Variants in IVD observed in about 807,000 individuals in gnomAD.
IVD encodes isovaleryl-CoA dehydrogenase.
In IVD, 31 loss-of-function variants were observed where a neutral mutation model predicts 51.3. The ratio of observed to expected loss-of-function variants is 0.60; its 90% CI spans 0.45 to 0.81. The LOEUF is 0.81. Among genes scored for constraint, IVD ranks in the 40% least tolerant of loss-of-function variants. The pLI is 0.00. For synonymous variants in IVD, 205 were observed against 219.4 expected, an observed-to-expected ratio of 0.93 and a Z score of 0.58; for missense variants, 475 against 552.0, an observed-to-expected ratio of 0.86 and a Z score of 1.40.
chr15:40,407,823 C>G (rs10518693), intron 2 of IVD, 98 bp downstream of exon 2: 1 of 1,434,524 alleles, frequency 7.0e-7, no homozygotes, highest in Non-Finnish European at 9.8e-7. Flanking sequence ...GTAAATGAAG[C>G]CTCTCTAAGA....
At chr15:40,415,207 T>A in intron 8 of IVD, 194 bp from the exon 9 acceptor site, 1 of 733,808 alleles carries the variant, frequency 1.4e-6, no homozygotes, top group South Asian at 1.7e-5. Flanking sequence ...GCAGGGTGGC[T>A]TACTCGGCTG....
chr15:40,424,860 G>A (rs904133690), downstream of IVD, among the ~76,000 whole-genome samples: 1 of 152,214 alleles, frequency 6.6e-6, no homozygotes. Context: ...TAAGTGCTCA[G>A]TGGCTATGTT....
rs1472673106 is a variant in IVD at position 40,411,307 on chromosome 15, T to G, written c.504T>G (p.Asn168Lys). The G allele has an allele frequency of 2.5e-6, 4 of 1,614,142 alleles. No homozygotes were observed. The Admixed American group carries it at 5.0e-5, about 20-fold the overall frequency. Reference sequence around the variant, plus strand: ...GAGCCCTGGCCATGAGTGAGCCCAATGCAGGCTCTGATGTTGTCTCTATGA... The same window carrying G: ...GAGCCCTGGCCATGAGTGAGCCCAAGGCAGGCTCTGATGTTGTCTCTATGA... ...YIGALAMSEP[N>K]AGSDVVSMKL... The change falls in exon 5 of 12, where the codon AAT (asparagine) becomes AAG (lysine). Residue 168 changes from asparagine to lysine, a missense_variant. Physicochemically the swap from Asn to Lys is moderately conservative, Grantham distance 94 (BLOSUM62 0). Transcript: ENST00000487418.
downstream of IVD, among the ~76,000 whole-genome samples, chr15:40,427,047 T>A (rs902149450): frequency 6.6e-6 from 1 of 152,048 alleles, no homozygotes; most frequent in Non-Finnish European, 1.5e-5. Flanking sequence ...GCTGGATAGA[T>A]AAGTGGGAAT....
rs1892151400 is a variant in IVD at position 40,420,081 on chromosome 15, C to T, written c.*1818C>T. ...TCGCGCCATTGCACTCCAGCCTGGG[C>T]AACAGAGTGAGACTCTGTCTCAAAA... is the stretch of plus-strand genomic sequence containing the variant. On this transcript the variant is annotated 3_prime_UTR_variant, in exon 12 of 12. Coordinates refer to ENST00000487418, the MANE Select transcript of IVD (RefSeq NM_002225.5). The T allele has an allele frequency of 4.2e-6, 4 of 946,538 alleles. No homozygotes were observed. The highest frequency in any genetic ancestry group is 5.0e-6 in the Non-Finnish European group (4 of 794,270). The allele number at this position is 946,538 out of a possible 1,614,324, so 58.6% of individuals were successfully genotyped here. A position where few individuals can be genotyped will look rare whatever the true frequency, so the allele number is the denominator to read the frequency against.
downstream of IVD, among the ~76,000 whole-genome samples, chr15:40,422,343 G>A (rs1246167567): frequency 6.6e-6 from 1 of 151,986 alleles, no homozygotes; most frequent in African/African-American, 2.4e-5. Flanking sequence ...GAGTGCAGTG[G>A]CGCAATCTTG....
At chr15:40,406,094 G>GT (rs2141291383) in intron 1 of IVD, 123 bp downstream of exon 1, 1 of 1,535,962 alleles carries the variant, frequency 6.5e-7, no homozygotes, top group East Asian at 2.5e-5. Flanking sequence ...CCCGTGGGCC[G>GT]TTGGGAGCGC....
At chr15:40,421,360 T>A, downstream of IVD, 1 of 985,460 alleles carries the variant, frequency 1.0e-6, no homozygotes, top group Non-Finnish European at 1.2e-6. Context: ...CTACTTTGGT[T>A]CTTGTGGGCG....
exon 8 of IVD, chr15:40,433,855 C>G: frequency 2.2e-6 from 1 of 456,744 alleles, no homozygotes; most frequent in Non-Finnish European, 4.4e-6. Flanking sequence ...CGTCTCCAGC[C>G]TGGGTCCATG....
intron 11 of IVD, among the ~76,000 whole-genome samples, chr15:40,416,768 A>G (rs1454158798): frequency 6.6e-6 from 1 of 152,140 alleles, no homozygotes; most frequent in East Asian, 1.9e-4. Context: ...CTGAGCTGGG[A>G]CCTTCGGGCT....
At chr15:40,409,574 C>T (rs182871946) in intron 3 of IVD, among the ~76,000 whole-genome samples, 2 of 152,254 alleles carry the variant, frequency 1.3e-5, no homozygotes, top group Admixed American at 1.3e-4. Context: ...TTCCTTAGAG[C>T]CTAGAACGAG....
downstream of IVD, chr15:40,424,137 C>A: frequency 7.8e-7 from 1 of 1,284,246 alleles, no homozygotes; most frequent in Non-Finnish European, 1.0e-6. Flanking sequence ...TCTTCCAGGC[C>A]ATGCCCCTCA....
chr15:40,427,895 T>G (rs953949868), downstream of IVD, among the ~76,000 whole-genome samples: 1 of 152,084 alleles, frequency 6.6e-6, no homozygotes, highest in Non-Finnish European at 1.5e-5. Flanking sequence ...TAATTAAGAC[T>G]GGACTGCCAG....
At chr15:40,429,687 T>C (rs1892863839) in intron 7 of IVD, among the ~76,000 whole-genome samples, 1 of 152,152 alleles carries the variant, frequency 6.6e-6, no homozygotes. Flanking sequence ...CAGATTTAAA[T>C]AAAACATCAA....
At chr15:40,407,861 G>A (rs1890627406) in intron 2 of IVD, 78 bp from the exon 3 acceptor site, 1 of 1,504,632 alleles carries the variant, frequency 6.6e-7, no homozygotes, top group Admixed American at 1.7e-5. Context: ...GAAGTGTTTG[G>A]GTCTCATTGT....
Position 40,419,085 on chromosome 15 carries a change from G to A in IVD, c.*822G>A, listed in dbSNP as rs373923824. ...CAGGAGGCGGACGTTGCAGTGAGCC[G>A]AGCTTGTGCCATTGCACTCCAGCCT... On this transcript the variant is annotated 3_prime_UTR_variant, in exon 12 of 12. Coordinates refer to ENST00000487418, the MANE Select transcript of IVD (RefSeq NM_002225.5). 177 of 1,160,006 alleles carry A rather than the reference G, an allele frequency of 1.5e-4. 1 individual carries two copies. In the African/African-American group the frequency reaches 1.6e-3, roughly 11 times the overall value. The allele number at this position is 1,160,006 out of a possible 1,614,324, so 71.9% of individuals were successfully genotyped here. A position where few individuals can be genotyped will look rare whatever the true frequency, so the allele number is the denominator to read the frequency against.
Position 40,418,677 on chromosome 15 carries a change from ATC to A in IVD, c.*420_*421del. The stretch of plus-strand genomic sequence containing the variant: ...TCTTGGGTGAGGCTCTGGCAAGGAG[ATC>A]TCTCTGCTCAAGCACAGCAGAATCA... On this transcript the variant is annotated 3_prime_UTR_variant, in exon 12 of 12. Transcript: ENST00000487418. 8.8e-7 allele frequency: 1 copy of A among 1,139,396 alleles called. No individual in the cohort carries two copies. The highest frequency in any genetic ancestry group is 2.0e-5 in the South Asian group (1 of 50,374). 70.6% of individuals were successfully genotyped at this position (1,139,396 alleles called of 1,614,324 possible).
At chr15:40,413,675 T>G (rs890950443) in intron 7 of IVD, among the ~76,000 whole-genome samples, 1 of 98,656 alleles carries the variant, frequency 1.0e-5, no homozygotes, top group Non-Finnish European at 2.3e-5. Flanking sequence ...TTTTTTTTTG[T>G]TTTTTTTGTT....
In IVD at chr15:40,405,844, G is replaced by T; in HGVS notation, c.17G>T (p.Arg6Leu). The change falls in exon 1 of 12, where the codon CGG (arginine) becomes CTG (leucine). Residue 6 changes from arginine to leucine, a missense_variant. Arg to Leu is a moderately radical substitution (Grantham distance 102, BLOSUM62 -2). Coordinates refer to ENST00000487418, the MANE Select transcript of IVD (RefSeq NM_002225.5). ...ATGGCAGAGATGGCGACTGCGACTC[G>T]GCTGCTGGGGTGGCGTGTGGCGAGC... The part of the protein sequence containing the change: MATAT[R>L]LLGWRVASWR... The T allele has an allele frequency of 6.2e-6, 10 of 1,612,220 alleles. No individual in the cohort carries two copies. Among genetic ancestry groups the T allele is most frequent in the Non-Finnish European group, 8.5e-6 (10 of 1,178,832 alleles).
Sources: gnomAD v4.1 joint callset for allele counts (sites outside exome capture counted in the v4.1 genomes callset) on GRCh38, gnomAD v4.1.1 for gene constraint, MANE v1.5 for transcripts, NCBI Gene and HGNC (gene_info 2026-07-23, HGNC 2026-07-21) for gene names.